Variants in MYH11 observed in about 807,000 individuals in gnomAD.
MYH11 encodes the protein myosin heavy chain 11, also known as myosin-11.
A neutral mutation model predicts 246.6 loss-of-function variants in MYH11; 80 were observed. That is an observed-to-expected ratio of 0.32 (90% CI 0.27 to 0.39). MYH11 has a LOEUF of 0.39. Among genes scored for constraint, MYH11 ranks in the 10% least tolerant of loss-of-function variants. The pLI is 1.00. For missense variants in MYH11, 2,158 were observed against 2,546.8 expected (o/e 0.85, Z 3.29); for synonymous variants, 1,071 against 1,015.5 (o/e 1.05, Z -1.04).
chr16:15,786,603 G>A (rs1416953285), intron 5 of MYH11, 27 bp downstream of exon 5: 2 of 1,600,738 alleles, frequency 1.2e-6, no homozygotes, highest in Non-Finnish European at 1.7e-6. Flanking sequence ...GCTAAATCAT[G>A]GCCTCTGATT....
At chr16:15,710,758 G>C (rs925075149) in intron 40 of MYH11, among the ~76,000 whole-genome samples, 2 of 151,942 alleles carry the variant, frequency 1.3e-5, no homozygotes, top group South Asian at 4.2e-4. Flanking sequence ...CTCACTGCAG[G>C]CTCCTCCTCC....
chr16:15,790,307 AAAAC>A (rs140067382), intron 4 of MYH11, among the ~76,000 whole-genome samples: 1,822 of 151,284 alleles, frequency 0.012, 23 homozygotes, highest in African/African-American at 0.036. Context: ...TCCATCTCAA[AAAAC>A]AAACAAACAA....
At chr16:15,824,682 G>T (rs1174880057) in intron 2 of MYH11, among the ~76,000 whole-genome samples, 1 of 152,178 alleles carries the variant, frequency 6.6e-6, no homozygotes, top group Non-Finnish European at 1.5e-5. Context: ...AAACACAGCT[G>T]CCAAAACTGT....
chr16:15,705,699 C>T (rs929436496), intron 40 of MYH11, among the ~76,000 whole-genome samples: 1 of 151,984 alleles, frequency 6.6e-6, no homozygotes, highest in African/African-American at 2.4e-5. Context: ...AGGAACAACT[C>T]GGCTGGGCAT....
intron 23 of MYH11, 104 bp downstream of exon 23, chr16:15,739,947 G>A (rs546295283): frequency 1.6e-6 from 2 of 1,226,238 alleles, no homozygotes; most frequent in Admixed American, 3.5e-5. Context: ...TTACCCTGTT[G>A]GCCAGGCTAG....
intron 38 of MYH11, among the ~76,000 whole-genome samples, chr16:15,716,742 G>C (rs150616782): frequency 0.026 from 3,970 of 152,214 alleles, 178 homozygotes; most frequent in African/African-American, 0.091. Flanking sequence ...TCAAACTCCT[G>C]ACCTCAAGTG....
At chr16:15,720,712 G>A (rs1052602811) in intron 33 of MYH11, 127 bp downstream of exon 33, 70 of 1,052,434 alleles carry the variant, frequency 6.7e-5, no homozygotes, top group Non-Finnish European at 7.8e-5. Context: ...CAGCCTGGGC[G>A]ACAGAGCGAG....
chr16:15,747,448 G>T (rs1596772518), intron 19 of MYH11, 122 bp downstream of exon 19: 9 of 1,156,286 alleles, frequency 7.8e-6, no homozygotes, highest in Non-Finnish European at 1.2e-5. Flanking sequence ...TCAAGAAAAG[G>T]CTGTCATTCA....
chr16:15,806,472 G>A (rs933317413), intron 3 of MYH11, among the ~76,000 whole-genome samples: 1 of 152,012 alleles, frequency 6.6e-6, no homozygotes, highest in Non-Finnish European at 1.5e-5. Context: ...AGATTTCTTT[G>A]GGGGATGATA....
chr16:15,718,490 G>C (rs1567690324), intron 36 of MYH11, 52 bp from the exon 37 acceptor site: 2 of 1,536,008 alleles, frequency 1.3e-6, no homozygotes, highest in East Asian at 4.9e-5. Context: ...CGCCTTAAAA[G>C]ATGCCCCCTC....
At chr16:15,818,845 T>A (rs1329558618) in intron 3 of MYH11, among the ~76,000 whole-genome samples, 1 of 151,942 alleles carries the variant, frequency 6.6e-6, no homozygotes, top group Non-Finnish European at 1.5e-5. Context: ...AAGTAAAGAG[T>A]TTATCTTTTA....
chr16:15,838,826 CAGCCTGGGTGACAG>C (rs2043974878), intron 1 of MYH11, among the ~76,000 whole-genome samples: 1 of 147,202 alleles, frequency 6.8e-6, no homozygotes, highest in Non-Finnish European at 1.5e-5. Context: ...CACTGCACTC[CAGCCTGGGTGACAG>C]AGCCAGACTC....
rs919816656 is a variant in MYH11 at position 15,724,216 on chromosome 16, T to C, written c.4310A>G (p.Asp1437Gly). Residue 1437 changes from aspartate to glycine, a missense_variant, in exon 31 of 41, where the codon GAC (aspartate) becomes GGC (glycine). This residue lies in a region of MYH11 where 1,013 missense variants were observed against 993.5 expected (regional missense o/e 1.02). Transcript: ENST00000300036. ...GTTGGACACGAGTTGCCGCTGGTTG[T>C]CCAAATCAACAACCAGGTCGTCCAG... ...QELDDLVVDL[D>G]NQRQLVSNLE... 8 of 1,614,008 alleles carry C rather than the reference T, an allele frequency of 5.0e-6. No homozygotes were observed. The highest frequency in any genetic ancestry group is 3.3e-4 in the Middle Eastern group (2 of 6,020).
At chr16:15,831,485 G>GTGTGTGTC (rs1215235032) in intron 2 of MYH11, among the ~76,000 whole-genome samples, 4 of 151,856 alleles carry the variant, frequency 2.6e-5, no homozygotes, top group African/African-American at 9.7e-5. Context: ...GTGTGTGTGT[G>GTGTGTGTC]TGTGTGTGTG....
chr16:15,741,719 C>A, intron 21 of MYH11, 41 bp downstream of exon 21: 1 of 1,614,138 alleles, frequency 6.2e-7, no homozygotes, highest in South Asian at 1.1e-5. Flanking sequence ...GGGGCCAAGT[C>A]CTGTTCCCCA....
At chr16:15,838,350 A>G in intron 1 of MYH11, 81 bp from the exon 2 acceptor site, 2 of 1,126,656 alleles carry the variant, frequency 1.8e-6, no homozygotes, top group Non-Finnish European at 2.6e-6. Context: ...TGCCCTGTCT[A>G]GGAACTCGGT....
intron 3 of MYH11, among the ~76,000 whole-genome samples, chr16:15,807,677 C>T (rs2151333149): frequency 6.6e-6 from 1 of 152,166 alleles, no homozygotes; most frequent in South Asian, 2.1e-4. Context: ...GCTGAGCTTC[C>T]CAGCCCAGAT....
intron 3 of MYH11, among the ~76,000 whole-genome samples, chr16:15,813,930 G>C (rs1371639637): frequency 6.6e-6 from 1 of 151,766 alleles, no homozygotes; most frequent in Non-Finnish European, 1.5e-5. Context: ...TGAGGTGAGT[G>C]GATCACCTGA....
chr16:15,766,859 A>G (rs545650741), intron 9 of MYH11, among the ~76,000 whole-genome samples: 1 of 152,352 alleles, frequency 6.6e-6, no homozygotes, highest in African/African-American at 2.4e-5. Flanking sequence ...CAGACAGCAA[A>G]GAAGTAAACC....
Sources: gnomAD v4.1 joint callset for allele counts (sites outside exome capture counted in the v4.1 genomes callset) on GRCh38, gnomAD v4.1.1 for gene constraint, gnomAD v4.1.1 regional missense constraint, MANE v1.5 for transcripts, NCBI Gene and HGNC (gene_info 2026-07-23, HGNC 2026-07-21) for gene names.